The following ASH1L variants were observed in gnomAD, a reference collection of about 807,000 sequenced individuals.
ASH1L encodes histone-lysine N-methyltransferase ASH1L.
In ASH1L, 23 loss-of-function variants were observed where a neutral mutation model predicts 269.0. That is an observed-to-expected ratio of 0.09 (90% confidence interval 0.06 to 0.12). The LOEUF is 0.12. Among genes scored for constraint, ASH1L ranks in the 10% least tolerant of loss-of-function variants. ASH1L has a pLI of 1.00. For missense variants in ASH1L, 2,912 were observed against 3,567.8 expected, an observed-to-expected ratio of 0.82 and a Z score of 4.68; for synonymous variants, 1,187 against 1,253.5, an observed-to-expected ratio of 0.95 and a Z score of 1.12.
intron 3 of ASH1L, among the ~76,000 whole-genome samples, chr1:155,462,260 G>A (rs779291819): frequency 8.5e-5 from 13 of 152,162 alleles, no homozygotes; most frequent in Non-Finnish European, 1.3e-4. Flanking sequence ...ACTAATCATC[G>A]TGTATATCAT....
Position 155,481,157 on chromosome 1 carries a change from G to A in ASH1L, c.1713C>T (p.Pro571=). 2 of 1,614,024 alleles carry A rather than the reference G, an allele frequency of 1.2e-6. No homozygotes were observed. The highest frequency in any genetic ancestry group is 1.7e-6 in the Non-Finnish European group (2 of 1,179,984). ...GAGCCAACTGTGAAGAAGTTTCAGG[G>A]GGACTTCTGGTTAAAGGATTAACAG... ...TVSVNPLTRS[P]PETSSQLAPN... is the part of the protein sequence containing the mutation. The change falls in exon 3 of 28, where the codon CCC becomes CCT. Residue 571 remains proline (P), a synonymous_variant. Transcript: ENST00000392403.
chr1:155,371,169 G>A (rs570620624), intron 10 of ASH1L, among the ~76,000 whole-genome samples, 186 bp from the exon 11 acceptor site: 2 of 152,158 alleles, frequency 1.3e-5, no homozygotes, highest in South Asian at 2.1e-4. Flanking sequence ...TTTCCAAGTC[G>A]GGCTGCAAAT....
chr1:155,357,727 T>C lies in ASH1L; in HGVS notation c.6818A>G (p.Glu2273Gly). The change falls in exon 14 of 28, where the codon GAG becomes GGG. Residue 2273 changes from glutamate to glycine, a missense_variant. Glu to Gly is a moderately conservative substitution (Grantham distance 98). This residue lies in a region of ASH1L where 309 missense variants were observed against 435.1 expected (regional missense o/e 0.71). Coordinates refer to ENST00000392403, the MANE Select transcript of ASH1L (RefSeq NM_018489.3). ...GCCTCCGATGATTCCTCGACATTTC[T>C]CAAAGCCACACTTACAAAGTTGCTT... is the stretch of plus-strand genomic sequence containing the variant. ...EKQQLCKCGF[E>G]KCRGIIGGKS... 1 of 1,613,436 alleles carries C rather than the reference T, an allele frequency of 6.2e-7. No individual in the cohort carries two copies. Among genetic ancestry groups the C allele is most frequent in the East Asian group, 2.2e-5 (1 of 44,882 alleles).
At chr1:155,505,551 GTTATT>G (rs1379140605) in intron 2 of ASH1L, among the ~76,000 whole-genome samples, 8 of 152,118 alleles carry the variant, frequency 5.3e-5, no homozygotes, top group Non-Finnish European at 1.2e-4. Flanking sequence ...CTTTTGATCA[GTTATT>G]TTAAGTATAA....
At chr1:155,463,553 T>G (rs1354322332) in intron 3 of ASH1L, among the ~76,000 whole-genome samples, 1 of 152,134 alleles carries the variant, frequency 6.6e-6, no homozygotes, top group African/African-American at 2.4e-5. Flanking sequence ...AGCACTTTGC[T>G]AGGCCGAGGT....
intron 4 of ASH1L, 89 bp downstream of exon 4, chr1:155,459,708 A>G (rs1331405637): frequency 3.8e-5 from 38 of 1,008,016 alleles, no homozygotes; most frequent in Non-Finnish European, 4.3e-5. Context: ...TACAGTCCCC[A>G]TTATTTTTTC....
At chr1:155,514,883 G>A (rs954556643) in intron 2 of ASH1L, among the ~76,000 whole-genome samples, 3 of 151,954 alleles carry the variant, frequency 2.0e-5, no homozygotes, top group Non-Finnish European at 2.9e-5. Context: ...ACAGTCATTC[G>A]GCATTTTACA....
At chr1:155,466,937 T>C (rs1426207902) in intron 3 of ASH1L, among the ~76,000 whole-genome samples, 1 of 152,166 alleles carries the variant, frequency 6.6e-6, no homozygotes. Context: ...TCTATATGCT[T>C]GTACAGTGAA....
chr1:155,349,279 C>A (rs1251340811), intron 19 of ASH1L, 48 bp downstream of exon 19: 2 of 1,582,136 alleles, frequency 1.3e-6, no homozygotes, highest in Admixed American at 3.6e-5. Flanking sequence ...TAGACTAATT[C>A]TTTTCAGAAC....
intron 3 of ASH1L, among the ~76,000 whole-genome samples, chr1:155,473,410 G>C (rs1253473109): frequency 6.6e-6 from 1 of 152,002 alleles, no homozygotes; most frequent in African/African-American, 2.4e-5. Flanking sequence ...CAGTTGAGCA[G>C]CTTCAACCCT....
In ASH1L at chr1:155,439,046, A is replaced by G. The variant is rs1284645238; in HGVS notation, c.5109T>C (p.Ser1703=). ...SSTVNGVPSR[S]PRLVASGDDS... ...CATCCCCAGAAGCAACTAATCTTGG[A>G]CTTCGAGAGGGAACTCCGTTTACTG... Residue 1703 remains serine (S), a synonymous_variant, in exon 5 of 28, where the codon AGT becomes AGC. Transcript: ENST00000392403. 6.2e-7 allele frequency: 1 copy of G among 1,607,970 alleles called. No individual in the cohort carries two copies. The highest frequency in any genetic ancestry group is 8.5e-7 in the Non-Finnish European group (1 of 1,177,042).
intron 1 of ASH1L, among the ~76,000 whole-genome samples, chr1:155,522,020 T>TA (rs1196014824): frequency 6.6e-6 from 1 of 152,198 alleles, no homozygotes; most frequent in African/African-American, 2.4e-5. Context: ...TTATTGAAGG[T>TA]AAAAAATCAT....
intron 1 of ASH1L, among the ~76,000 whole-genome samples, chr1:155,557,515 T>C (rs1404367785): frequency 4.0e-5 from 6 of 151,668 alleles, no homozygotes; most frequent in Non-Finnish European, 8.8e-5. Context: ...CTCCTGACCT[T>C]GTGATCCGCC....
intron 25 of ASH1L, among the ~76,000 whole-genome samples, chr1:155,341,383 A>G (rs545016376): frequency 6.6e-5 from 10 of 152,174 alleles, no homozygotes; most frequent in East Asian, 1.9e-4. Flanking sequence ...TCACCGTGTT[A>G]GCCAGGATGG....
At position 155,438,697 on chromosome 1, in the gene ASH1L, T is replaced by C; in HGVS notation, c.5458A>G (p.Lys1820Glu). ...TTATTGACATGGTCTAGGTTTTTCTTTGTGGCCAAGATTTTGTCGTAATTG... is the reference window on the plus strand; with the variant it reads ...TTATTGACATGGTCTAGGTTTTTCTCTGTGGCCAAGATTTTGTCGTAATTG... The part of the protein sequence containing the change: ...MCNYDKILAT[K>E]KNLDHVNKIL... The change falls in exon 5 of 28, where the codon AAG (lysine) becomes GAG (glutamate). Residue 1820 changes from lysine to glutamate, a missense_variant. Lys to Glu is a moderately conservative substitution (Grantham distance 56). Transcript: ENST00000392403. The C allele has an allele frequency of 2.5e-6, 4 of 1,614,148 alleles. No homozygotes were observed. Among genetic ancestry groups the C allele is most frequent in the South Asian group, 1.1e-5 (1 of 91,080 alleles).
chr1:155,376,760 C>G (rs1273018873), intron 10 of ASH1L, among the ~76,000 whole-genome samples: 1 of 149,312 alleles, frequency 6.7e-6, no homozygotes, highest in Non-Finnish European at 1.5e-5. Context: ...GAGGCTGAGG[C>G]AGGAGAATCT....
chr1:155,455,924 G>A (rs1361106026), intron 4 of ASH1L, among the ~76,000 whole-genome samples: 1 of 152,130 alleles, frequency 6.6e-6, no homozygotes, highest in Non-Finnish European at 1.5e-5. Flanking sequence ...TCTATGATAG[G>A]TTTATTTCTA....
At chr1:155,346,272 G>T (rs1369268251) in intron 21 of ASH1L, 111 bp downstream of exon 21, 10 of 1,553,404 alleles carry the variant, frequency 6.4e-6, no homozygotes, top group Non-Finnish European at 8.0e-6. Flanking sequence ...GGCCCAGAGA[G>T]GCTGAACAAC....
chr1:155,392,309 C>T (rs546233647), intron 7 of ASH1L, among the ~76,000 whole-genome samples: 1 of 152,276 alleles, frequency 6.6e-6, no homozygotes, highest in East Asian at 1.9e-4. Flanking sequence ...TAAGTGCTTA[C>T]TTGTACTGCT....
Sources: allele counts gnomAD v4.1 joint callset (sites outside exome capture counted in the v4.1 genomes callset), GRCh38; gene constraint gnomAD v4.1.1; regional missense constraint gnomAD v4.1.1; transcripts MANE v1.5; gene names NCBI Gene and HGNC (gene_info 2026-07-23, HGNC 2026-07-21).